ZCCHC17: variants seen among roughly 807,000 people sequenced by gnomAD.
ZCCHC17 encodes zinc finger CCHC domain-containing protein 17.
A neutral mutation model predicts 30.6 loss-of-function variants in ZCCHC17; 18 were observed. The ratio of observed to expected loss-of-function variants is 0.59; its 90% CI spans 0.41 to 0.87. ZCCHC17 has a LOEUF of 0.87. ZCCHC17 is among the 40% of genes least tolerant of loss of function. ZCCHC17 has a pLI of 0.00. For missense variants in ZCCHC17, 263 were observed against 284.2 expected, an observed-to-expected ratio of 0.93 and a Z score of 0.54; for synonymous variants, 88 against 92.4, an observed-to-expected ratio of 0.95 and a Z score of 0.27.
At chr1:31,347,249 C>T (rs1639310050) in intron 6 of ZCCHC17, among the ~76,000 whole-genome samples, 1 of 152,162 alleles carries the variant, frequency 6.6e-6, no homozygotes, top group Admixed American at 6.5e-5. Flanking sequence ...CCTCAGGTTT[C>T]CTCTACTCTT....
chr1:31,303,064 G>A (rs1646357431), intron 1 of ZCCHC17, among the ~76,000 whole-genome samples: 1 of 151,924 alleles, frequency 6.6e-6, no homozygotes, highest in South Asian at 2.1e-4. Flanking sequence ...GATTGCTTGA[G>A]CCAGGAGTTC....
intron 7 of ZCCHC17, among the ~76,000 whole-genome samples, chr1:31,360,816 T>C (rs1242926579): frequency 1.3e-5 from 2 of 152,214 alleles, no homozygotes; most frequent in East Asian, 3.8e-4. Flanking sequence ...CATTTCTGAG[T>C]TGCAGTTTTT....
intron 7 of ZCCHC17, among the ~76,000 whole-genome samples, chr1:31,359,811 T>C (rs1408437900): frequency 6.6e-6 from 1 of 152,178 alleles, no homozygotes; most frequent in Non-Finnish European, 1.5e-5. Context: ...AACTGTTTTA[T>C]GTTTAATTTT....
chr1:31,323,657 T>G (rs948342896), intron 3 of ZCCHC17, among the ~76,000 whole-genome samples: 2 of 152,156 alleles, frequency 1.3e-5, no homozygotes, highest in African/African-American at 4.8e-5. Context: ...TGCAGATGAA[T>G]GTACAATTAT....
chr1:31,299,998 G>C lies in ZCCHC17; in HGVS notation c.-56+2923G>C, dbSNP rs189926498. On this transcript the variant is annotated intron_variant, in intron 1 of 7. Transcript: ENST00000344147. Reference sequence around the variant, plus strand: ...AGAGGATTTCTGTTTATCCTAAAAGGCTTATTCAGTTATCTGTTTAACTTC... The same window carrying C: ...AGAGGATTTCTGTTTATCCTAAAAGCCTTATTCAGTTATCTGTTTAACTTC... Among the ~76,000 whole-genome samples the C allele has an allele frequency of 4.0e-3, 612 of 152,222 alleles. 3 individuals carry two copies. Among genetic ancestry groups the C allele is most frequent in the Non-Finnish European group, 6.5e-3 (442 of 68,012 alleles).
intron 5 of ZCCHC17, among the ~76,000 whole-genome samples, chr1:31,342,051 A>T (rs1388897538): frequency 1.3e-5 from 2 of 151,962 alleles, no homozygotes; most frequent in Non-Finnish European, 2.9e-5. Flanking sequence ...CATAGTATTC[A>T]TTTAGTTTTT....
intron 3 of ZCCHC17, among the ~76,000 whole-genome samples, chr1:31,334,692 T>A (rs1055486756): frequency 2.0e-5 from 3 of 152,266 alleles, no homozygotes; most frequent in Admixed American, 1.3e-4. Flanking sequence ...TTATTTAGTA[T>A]GGGAAAATGC....
intron 2 of ZCCHC17, among the ~76,000 whole-genome samples, chr1:31,313,592 A>G (rs1646657511): frequency 6.6e-6 from 1 of 152,202 alleles, no homozygotes; most frequent in African/African-American, 2.4e-5. Context: ...GTATAATACC[A>G]TTTTAACACA....
chr1:31,346,515 C>T (rs1639278054), intron 5 of ZCCHC17, 125 bp from the exon 6 acceptor site: 1 of 1,143,766 alleles, frequency 8.7e-7, no homozygotes, highest in African/African-American at 1.6e-5. Flanking sequence ...CTCGTTCTGT[C>T]AAAAACTTTC....
At chr1:31,357,565 ATTC>A (rs1639688265) in intron 7 of ZCCHC17, among the ~76,000 whole-genome samples, 1 of 152,234 alleles carries the variant, frequency 6.6e-6, no homozygotes, top group Admixed American at 6.5e-5. Context: ...TGGCACTTAG[ATTC>A]TAATGGATGG....
chr1:31,357,258 C>G (rs1038880864), intron 7 of ZCCHC17, among the ~76,000 whole-genome samples: 1 of 152,162 alleles, frequency 6.6e-6, no homozygotes, highest in African/African-American at 2.4e-5. Flanking sequence ...AGAAAGGTTG[C>G]CAGTCCTGAG....
chr1:31,340,167 T>C (rs1382515259), intron 5 of ZCCHC17, among the ~76,000 whole-genome samples: 1 of 151,796 alleles, frequency 6.6e-6, no homozygotes, highest in Admixed American at 6.6e-5. Flanking sequence ...CAGGTTGTTC[T>C]TGGACACCTA....
chr1:31,323,582 A>C (rs1646913046), intron 3 of ZCCHC17, among the ~76,000 whole-genome samples: 1 of 152,142 alleles, frequency 6.6e-6, no homozygotes, highest in Admixed American at 6.5e-5. Context: ...CGGCCTCCCA[A>C]AGTGCTGGGA....
intron 4 of ZCCHC17, among the ~76,000 whole-genome samples, chr1:31,337,838 G>A (rs1638881154): frequency 6.6e-6 from 1 of 152,204 alleles, no homozygotes; most frequent in Non-Finnish European, 1.5e-5. Flanking sequence ...CAGCACAGGA[G>A]ATAGGCATGA....
rs1646785210 is a variant in ZCCHC17 at position 31,318,375 on chromosome 1, A to G, written c.67-734A>G. 5 of 681,386 alleles carry G rather than the reference A, an allele frequency of 7.3e-6. No individual in the cohort carries two copies. The Admixed American group carries it at 1.2e-4, about 17-fold the overall frequency. 42.2% of individuals were successfully genotyped at this position (681,386 alleles called of 1,614,324 possible). On this transcript the variant is annotated intron_variant, in intron 2 of 7. Coordinates refer to ENST00000344147, the MANE Select transcript of ZCCHC17 (RefSeq NM_016505.4). ...GAAGAGAGAGCTAGAGCCTAGGTTAATGATTTATCTGGCAAGGGTTCTGGG... is the reference window on the plus strand; with the variant it reads ...GAAGAGAGAGCTAGAGCCTAGGTTAGTGATTTATCTGGCAAGGGTTCTGGG...
At chr1:31,309,070 C>T (rs1191784521) in intron 1 of ZCCHC17, among the ~76,000 whole-genome samples, 1 of 151,730 alleles carries the variant, frequency 6.6e-6, no homozygotes, top group Non-Finnish European at 1.5e-5. Flanking sequence ...TTTTTATTAT[C>T]TGAACTTTCA....
At chr1:31,303,886 C>T (rs1381848342) in intron 1 of ZCCHC17, among the ~76,000 whole-genome samples, 1 of 152,186 alleles carries the variant, frequency 6.6e-6, no homozygotes, top group African/African-American at 2.4e-5. Context: ...CTCTGACTAC[C>T]CATTCTGGGC....
chr1:31,340,563 C>T (rs1221442861), intron 5 of ZCCHC17, among the ~76,000 whole-genome samples: 4 of 152,084 alleles, frequency 2.6e-5, no homozygotes, highest in Non-Finnish European at 4.4e-5. Context: ...GTGATCTGCC[C>T]GTCTCGGCCT....
intron 1 of ZCCHC17, among the ~76,000 whole-genome samples, chr1:31,304,682 A>C (rs1569734800): frequency 6.7e-6 from 1 of 148,990 alleles, no homozygotes; most frequent in African/African-American, 2.5e-5. Context: ...TGCAAGCTCC[A>C]CCTCCCAGGT....
Sources: gnomAD v4.1 joint callset for allele counts (sites outside exome capture counted in the v4.1 genomes callset) on GRCh38, gnomAD v4.1.1 for gene constraint, MANE v1.5 for transcripts, NCBI Gene and HGNC (gene_info 2026-07-23, HGNC 2026-07-21) for gene names.